The following POFUT3 variants were observed in gnomAD, a reference collection of about 807,000 sequenced individuals.
POFUT3 encodes GDP-fucose protein O-fucosyltransferase 3.
At chr8:33,388,329 C>CTTTTT in the POFUT3 span, among the ~76,000 whole-genome samples, 14 of 83,876 alleles carry the variant, frequency 1.7e-4, no homozygotes, top group African/African-American at 2.9e-4. Flanking sequence ...AAGCAGAACT[C>CTTTTT]TTTTTTTTTT....
At chr8:33,355,940 C>T in the POFUT3 span, among the ~76,000 whole-genome samples, 6 of 151,962 alleles carry the variant, frequency 3.9e-5, no homozygotes, top group Non-Finnish European at 5.9e-5. Context: ...TTTGTTCTTG[C>T]GATAGTTTAC....
At chr8:33,408,853 C>A in the POFUT3 span, among the ~76,000 whole-genome samples, 34 of 152,148 alleles carry the variant, frequency 2.2e-4, no homozygotes, top group Admixed American at 1.0e-3. Context: ...AGGAAAGGTT[C>A]TATATCTTAA....
chr8:33,397,223 CA>C, the POFUT3 span, among the ~76,000 whole-genome samples: 1 of 152,172 alleles, frequency 6.6e-6, no homozygotes, highest in Non-Finnish European at 1.5e-5. Context: ...GTACTTCTGA[CA>C]ACTTCAATAT....
At chr8:33,456,456 C>G in the POFUT3 span, among the ~76,000 whole-genome samples, 1 of 152,052 alleles carries the variant, frequency 6.6e-6, no homozygotes, top group Admixed American at 6.6e-5. Context: ...TTCCCGAGTT[C>G]AAGTGATTCT....
At chr8:33,394,736 CT>C in the POFUT3 span, among the ~76,000 whole-genome samples, 1 of 151,930 alleles carries the variant, frequency 6.6e-6, no homozygotes, top group Non-Finnish European at 1.5e-5. Flanking sequence ...AAATCCATCT[CT>C]AAAGCACAGA....
At chr8:33,456,368 TA>T in the POFUT3 span, among the ~76,000 whole-genome samples, 1 of 152,160 alleles carries the variant, frequency 6.6e-6, no homozygotes, top group African/African-American at 2.4e-5. Context: ...TTTATTTTTT[TA>T]TTTTTTGAGA....
chr8:33,316,354 G>A, the POFUT3 span, among the ~76,000 whole-genome samples: 1 of 152,064 alleles, frequency 6.6e-6, no homozygotes, highest in Admixed American at 6.6e-5. Flanking sequence ...ACATCTCCCT[G>A]AGGTTGCATC....
At chr8:33,441,378 C>CTTTT in the POFUT3 span, among the ~76,000 whole-genome samples, 1,269 of 114,018 alleles carry the variant, frequency 0.011, 22 homozygotes, top group Non-Finnish European at 0.018. Context: ...TTTTTCCTGC[C>CTTTT]TTTTTTTTTT....
the POFUT3 span, among the ~76,000 whole-genome samples, chr8:33,439,124 A>T: frequency 6.6e-6 from 1 of 152,158 alleles, no homozygotes; most frequent in African/African-American, 2.4e-5. Flanking sequence ...TGTGTTTTGC[A>T]GCTGGGAGTG....
At chr8:33,427,180 C>A in the POFUT3 span, among the ~76,000 whole-genome samples, 1 of 152,112 alleles carries the variant, frequency 6.6e-6, no homozygotes, top group Admixed American at 6.5e-5. Context: ...TGGTGAGCAG[C>A]CAGGCATAGT....
the POFUT3 span, chr8:33,389,922 C>T: frequency 7.2e-5 from 49 of 683,524 alleles, no homozygotes; most frequent in African/African-American, 4.5e-4. Flanking sequence ...TGGCCGGGCA[C>T]GGTGGCTCAC....
the POFUT3 span, among the ~76,000 whole-genome samples, chr8:33,368,373 T>C: frequency 6.6e-6 from 1 of 152,154 alleles, no homozygotes; most frequent in African/African-American, 2.4e-5. Context: ...GCACCAATGG[T>C]GTTGCTAAAT....
the POFUT3 span, among the ~76,000 whole-genome samples, chr8:33,355,823 C>T: frequency 6.6e-6 from 1 of 152,108 alleles, no homozygotes; most frequent in Admixed American, 6.6e-5. Flanking sequence ...CCTCGCCCCT[C>T]CCCCAACGCC....
chr8:33,323,988 G>C, the POFUT3 span, among the ~76,000 whole-genome samples: 1 of 152,154 alleles, frequency 6.6e-6, no homozygotes, highest in South Asian at 2.1e-4. Context: ...AGAGCCCAGA[G>C]CAATTTCAAG....
chr8:33,434,821 C>A, the POFUT3 span, among the ~76,000 whole-genome samples: 1 of 152,228 alleles, frequency 6.6e-6, no homozygotes, highest in Non-Finnish European at 1.5e-5. Context: ...CCCGAGGACT[C>A]CCACATCGCC....
chr8:33,388,042 G>C, the POFUT3 span, among the ~76,000 whole-genome samples: 14 of 152,082 alleles, frequency 9.2e-5, no homozygotes, highest in African/African-American at 3.1e-4. Flanking sequence ...CAAACACCAA[G>C]CACCATCTAG....
At chr8:33,338,074 A>G in the POFUT3 span, among the ~76,000 whole-genome samples, 1 of 152,138 alleles carries the variant, frequency 6.6e-6, no homozygotes, top group East Asian at 1.9e-4. Flanking sequence ...CTCTTCTTAT[A>G]AAGACACATA....
chr8:33,454,451 T>C, the POFUT3 span, among the ~76,000 whole-genome samples: 1 of 152,190 alleles, frequency 6.6e-6, no homozygotes, highest in South Asian at 2.1e-4. Context: ...CATGAATAAT[T>C]TGGGATAATC....
chr8:33,354,131 T>C, the POFUT3 span, among the ~76,000 whole-genome samples: 5 of 152,190 alleles, frequency 3.3e-5, no homozygotes, highest in African/African-American at 4.8e-5. Flanking sequence ...TTGTTTGGTG[T>C]GTTGTTGGTG....
Sources: allele counts gnomAD v4.1 joint callset (sites outside exome capture counted in the v4.1 genomes callset), GRCh38; gene constraint gnomAD v4.1.1; transcripts MANE v1.5; gene names NCBI Gene and HGNC (gene_info 2026-07-23, HGNC 2026-07-21).